The following NBAS variants were observed in gnomAD, a reference collection of about 807,000 sequenced individuals.
NBAS encodes NBAS subunit of NRZ tethering complex.
A neutral mutation model predicts 302.5 loss-of-function variants in NBAS; 219 were observed. That is an observed-to-expected ratio of 0.72 (90% CI 0.65 to 0.81). The LOEUF is 0.81. Among genes scored for constraint, NBAS ranks in the 30% least tolerant of loss-of-function variants. The pLI, the probability that NBAS is intolerant of heterozygous loss-of-function variation, is 0.00. For synonymous variants in NBAS, 1,118 were observed against 1,021.6 expected (o/e 1.09, Z -1.80); for missense variants, 2,932 against 2,841.6 (o/e 1.03, Z -0.72).
At position 15,439,566 on chromosome 2, in the gene NBAS, C is replaced by T. The variant is rs531735393; in HGVS notation, c.2340-11772G>A. ...AGCAACAGCTCTGGTCTACAGCTCCCAGCGTGAGCGATGCAGAAGATGCAT... is the reference window on the plus strand; with the variant it reads ...AGCAACAGCTCTGGTCTACAGCTCCTAGCGTGAGCGATGCAGAAGATGCAT... On this transcript the variant is annotated intron_variant, in intron 21 of 51. Coordinates refer to ENST00000281513, the MANE Select transcript of NBAS (RefSeq NM_015909.4). Among the ~76,000 whole-genome samples the T allele has an allele frequency of 1.1e-4, 17 of 152,252 alleles. No homozygotes were observed. The East Asian group carries it at 1.4e-3, about 12-fold the overall frequency.
the NBAS span, among the ~76,000 whole-genome samples, chr2:15,121,110 G>T: frequency 6.6e-6 from 1 of 152,068 alleles, no homozygotes; most frequent in Non-Finnish European, 1.5e-5. Context: ...ATTATTTGTC[G>T]ATTTCAAGCC....
intron 23 of NBAS, among the ~76,000 whole-genome samples, chr2:15,418,027 A>G (rs763797164): frequency 2.6e-5 from 4 of 152,110 alleles, no homozygotes; most frequent in Non-Finnish European, 5.9e-5. Context: ...ACAACATTAT[A>G]TTTACATAAT....
At chr2:15,520,780 C>T (rs1662631827) in intron 9 of NBAS, among the ~76,000 whole-genome samples, 1 of 152,132 alleles carries the variant, frequency 6.6e-6, no homozygotes, top group African/African-American at 2.4e-5. Flanking sequence ...TGCTTAAAAA[C>T]AGGCCACATT....
the NBAS span, among the ~76,000 whole-genome samples, chr2:14,870,376 G>A: frequency 1.1e-4 from 17 of 152,212 alleles, no homozygotes; most frequent in Non-Finnish European, 1.6e-4. Flanking sequence ...AAACTACCAA[G>A]TGCAGAGAAA....
At chr2:14,953,231 C>CT in the NBAS span, among the ~76,000 whole-genome samples, 17 of 152,076 alleles carry the variant, frequency 1.1e-4, no homozygotes, top group Non-Finnish European at 2.9e-5. Flanking sequence ...GAGGGAGAGA[C>CT]AGAGCACCAT....
Position 15,365,168 on chromosome 2 carries a change from G to A in NBAS, c.3817+1412C>T, listed in dbSNP as rs113031888. ...TAACAGAACTTTGTATCCACAGTAC[G>A]TAGCAGAAAAATATTACTTTCTCTC... On this transcript the variant is annotated intron_variant, in intron 32 of 51. Coordinates refer to ENST00000281513, the MANE Select transcript of NBAS (RefSeq NM_015909.4). Among the ~76,000 whole-genome samples, 1,091 of 152,282 alleles carry A rather than the reference G, an allele frequency of 7.2e-3. 10 individuals carry two copies. Among genetic ancestry groups the A allele is most frequent in the African/African-American group, 0.022 (919 of 41,564 alleles).
chr2:14,979,170 A>G, the NBAS span, among the ~76,000 whole-genome samples: 1 of 152,228 alleles, frequency 6.6e-6, no homozygotes, highest in Non-Finnish European at 1.5e-5. Context: ...CAATAACACT[A>G]TAAAATATTG....
chr2:15,282,683 T>A (rs1485204155), intron 42 of NBAS, among the ~76,000 whole-genome samples: 1 of 152,190 alleles, frequency 6.6e-6, no homozygotes, highest in Non-Finnish European at 1.5e-5. Flanking sequence ...AAAGTAGATA[T>A]TAGAGTGAAA....
intron 21 of NBAS, among the ~76,000 whole-genome samples, chr2:15,452,523 G>A (rs938903562): frequency 3.3e-5 from 5 of 151,128 alleles, no homozygotes; most frequent in Admixed American, 6.6e-5. Context: ...AGGAGGCGGA[G>A]CTTGCACTGA....
the NBAS span, among the ~76,000 whole-genome samples, chr2:14,922,865 C>T: frequency 1.3e-5 from 2 of 152,172 alleles, no homozygotes; most frequent in South Asian, 4.1e-4. Flanking sequence ...AAAAAGTATT[C>T]ATTTGGGCCG....
At chr2:15,279,219 C>T (rs189386676) in intron 42 of NBAS, among the ~76,000 whole-genome samples, 85 of 152,246 alleles carry the variant, frequency 5.6e-4, no homozygotes, top group Middle Eastern at 3.4e-3. Flanking sequence ...ATTTATCATG[C>T]TGATTACTTT....
chr2:15,002,409 C>T, the NBAS span, among the ~76,000 whole-genome samples: 1 of 152,200 alleles, frequency 6.6e-6, no homozygotes, highest in East Asian at 1.9e-4. Flanking sequence ...AAAGGTTCTC[C>T]ACGTCCCCAC....
chr2:15,512,464 A>C lies in NBAS; in HGVS notation c.747-1114T>G, dbSNP rs77842622. Among the ~76,000 whole-genome samples, 44 of 152,298 alleles carry C rather than the reference A, an allele frequency of 2.9e-4. No homozygotes were observed. The East Asian group carries it at 7.1e-3, about 25-fold the overall frequency. Reference sequence around the variant, plus strand: ...AAGATGTCCACATCCTAATCGCTGCAGTCTGTGAGTATGTTCTATTACATG... The same window carrying C: ...AAGATGTCCACATCCTAATCGCTGCCGTCTGTGAGTATGTTCTATTACATG... On this transcript the variant is annotated intron_variant, in intron 9 of 51. Coordinates refer to ENST00000281513, the MANE Select transcript of NBAS (RefSeq NM_015909.4).
At chr2:15,456,134 A>C (rs1679239301) in intron 21 of NBAS, among the ~76,000 whole-genome samples, 1 of 152,236 alleles carries the variant, frequency 6.6e-6, no homozygotes, top group Non-Finnish European at 1.5e-5. Flanking sequence ...ATGTAATTTC[A>C]AAGCTTTACA....
the NBAS span, among the ~76,000 whole-genome samples, chr2:14,924,393 A>G: frequency 1.3e-4 from 20 of 152,242 alleles, no homozygotes; most frequent in Non-Finnish European, 2.1e-4. Flanking sequence ...TCCTTCTTCT[A>G]CTAATGCCTC....
At chr2:14,915,299 G>C in the NBAS span, among the ~76,000 whole-genome samples, 4 of 152,304 alleles carry the variant, frequency 2.6e-5, no homozygotes, top group Non-Finnish European at 5.9e-5. Context: ...AAAACAATAT[G>C]GCTAATGGTT....
chr2:15,282,556 G>A (rs1669871566), intron 42 of NBAS, among the ~76,000 whole-genome samples: 1 of 152,112 alleles, frequency 6.6e-6, no homozygotes, highest in Non-Finnish European at 1.5e-5. Flanking sequence ...CCTATGACCT[G>A]GGACCCTCCC....
In NBAS at chr2:15,238,579, A is replaced by C. The variant is rs769767287; in HGVS notation, c.5832T>G (p.Ala1944=). The change falls in exon 45 of 52, where the codon GCT becomes GCG. Residue 1944 remains alanine (A), a synonymous_variant. Coordinates refer to ENST00000281513, the MANE Select transcript of NBAS (RefSeq NM_015909.4). ...CTGCATAGGTAACTTTAGAATCCTT[A>C]GCTTCTTGAGCTTCGTCTTCTGAGT... ...KRNSEDEAQE[A]KDSKVTYADT... The C allele has an allele frequency of 6.2e-7, 1 of 1,614,026 alleles. No individual in the cohort carries two copies. Among genetic ancestry groups the C allele is most frequent in the Non-Finnish European group, 8.5e-7 (1 of 1,180,008 alleles).
the NBAS span, among the ~76,000 whole-genome samples, chr2:14,924,211 A>T: frequency 6.6e-6 from 1 of 152,338 alleles, no homozygotes; most frequent in African/African-American, 2.4e-5. Context: ...AAGTTTTTCC[A>T]GGGGTCTTCT....
Sources: gnomAD v4.1 joint callset for allele counts (sites outside exome capture counted in the v4.1 genomes callset) on GRCh38, gnomAD v4.1.1 for gene constraint, MANE v1.5 for transcripts, NCBI Gene and HGNC (gene_info 2026-07-23, HGNC 2026-07-21) for gene names.